ARAP2: variants seen among roughly 807,000 people sequenced by gnomAD.
ARAP2 encodes arf-GAP with Rho-GAP domain, ANK repeat and PH domain-containing protein 2.
In ARAP2, 148 loss-of-function variants were observed where a neutral mutation model predicts 194.5. That is an observed-to-expected ratio of 0.76 (90% CI 0.67 to 0.87). The LOEUF (loss-of-function observed/expected upper bound fraction) is 0.87. Among genes scored for constraint, ARAP2 ranks in the 40% least tolerant of loss-of-function variants. The probability of loss-of-function intolerance (pLI) is 0.00; values close to 1 mark genes in which losing one functional copy is unlikely to be tolerated. For synonymous variants in ARAP2, 695 were observed against 683.5 expected, an observed-to-expected ratio of 1.02 and a Z score of -0.26; for missense variants, 2,128 against 1,989.7, an observed-to-expected ratio of 1.07 and a Z score of -1.32.
intron 11 of ARAP2, among the ~76,000 whole-genome samples, chr4:36,163,303 T>G (rs1308929820): frequency 6.6e-6 from 1 of 152,000 alleles, no homozygotes; most frequent in Non-Finnish European, 1.5e-5. Context: ...GACTGGTATC[T>G]TGGAAGCTGA....
chr4:36,059,840 C>G (rs1724122591), intron 1 of ARAP2, among the ~76,000 whole-genome samples: 2 of 152,032 alleles, frequency 1.3e-5, no homozygotes, highest in South Asian at 4.1e-4. Context: ...GAAAACTGGT[C>G]ATTACAGTCA....
chr4:36,174,926 T>A (rs573455522), intron 9 of ARAP2, among the ~76,000 whole-genome samples: 1 of 152,340 alleles, frequency 6.6e-6, no homozygotes, highest in African/African-American at 2.4e-5. Context: ...CTAGCCATTG[T>A]CTGTTTACTC....
At chr4:36,175,713 G>A (rs1229760824) in intron 9 of ARAP2, among the ~76,000 whole-genome samples, 1 of 152,044 alleles carries the variant, frequency 6.6e-6, no homozygotes, top group East Asian at 1.9e-4. Context: ...GCATAAAAAT[G>A]TTTACTTATC....
At chr4:36,069,234 GAATAT>G (rs1392302561) in intron 32 of ARAP2, among the ~76,000 whole-genome samples, 1 of 152,050 alleles carries the variant, frequency 6.6e-6, no homozygotes, top group African/African-American at 2.4e-5. Context: ...ATATTTTCAT[GAATAT>G]AATGTACAAA....
intron 1 of ARAP2, among the ~76,000 whole-genome samples, chr4:36,234,461 C>A (rs1022177974): frequency 1.3e-5 from 2 of 152,100 alleles, no homozygotes; most frequent in African/African-American, 2.4e-5. Flanking sequence ...TTTCAACATA[C>A]AAATCGGGAG....
exon 5 of ARAP2, chr4:36,046,059 A>G (rs1366738619): frequency 6.6e-6 from 1 of 152,086 alleles, no homozygotes; most frequent in Non-Finnish European, 1.5e-5. Context: ...GTTAATTTCT[A>G]CTCTATGTTG....
At chr4:36,212,551 T>C (rs1746994940) in intron 4 of ARAP2, 64 bp from the exon 5 acceptor site, 1 of 1,124,258 alleles carries the variant, frequency 8.9e-7, no homozygotes, top group African/African-American at 1.5e-5. Context: ...GGGATTTGTT[T>C]GTATGTGTAG....
At chr4:36,217,492 G>A (rs146863948) in intron 2 of ARAP2, among the ~76,000 whole-genome samples, 2,227 of 152,306 alleles carry the variant, frequency 0.015, 31 homozygotes, top group Middle Eastern at 0.034. Flanking sequence ...CTGCACTCCA[G>A]CCTGGGTGAC....
chr4:36,142,738 C>G (rs1034492434), intron 19 of ARAP2, among the ~76,000 whole-genome samples: 5 of 151,588 alleles, frequency 3.3e-5, no homozygotes, highest in African/African-American at 1.2e-4. Flanking sequence ...CTGACAAATT[C>G]CCCTAACCCA....
intron 1 of ARAP2, among the ~76,000 whole-genome samples, chr4:36,240,657 G>A (rs1427845124): frequency 6.6e-6 from 1 of 152,112 alleles, no homozygotes; most frequent in African/African-American, 2.4e-5. Flanking sequence ...AACAGTGCCT[G>A]GTAAGCAACA....
rs199670262 is a variant in ARAP2 at position 36,083,401 on chromosome 4, C to T, written c.4475G>A (p.Arg1492His). The change falls in exon 29 of 33, where the codon CGT becomes CAT. Residue 1492 changes from arginine to histidine, a missense_variant. Transcript: ENST00000303965. ...AGGCTTCATTTTCTTTTTCACTCCA[C>T]GATAAAACTTCATGGAACTGAGAGA... ...MFSLSSMKFY[R>H]GVKKKMKPPT... The T allele has an allele frequency of 1.2e-4, 188 of 1,608,444 alleles. No homozygotes were observed. The highest frequency in any genetic ancestry group is 1.4e-4 in the Non-Finnish European group (167 of 1,177,978).
chr4:36,065,288 C>T, downstream of ARAP2: 1 of 469,130 alleles, frequency 2.1e-6, no homozygotes, highest in South Asian at 1.7e-5. Context: ...ACCATGTCAC[C>T]CTTGACCTCA....
chr4:36,007,400 G>C (rs541610484), intron 9 of ARAP2, among the ~76,000 whole-genome samples: 42 of 152,352 alleles, frequency 2.8e-4, no homozygotes, highest in African/African-American at 1.0e-3. Context: ...AGAGACGACA[G>C]AGAGAGAAGG....
chr4:36,029,109 C>T (rs562810026), intron 5 of ARAP2, among the ~76,000 whole-genome samples: 1 of 152,092 alleles, frequency 6.6e-6, no homozygotes, highest in African/African-American at 2.4e-5. Flanking sequence ...ACACAAACAT[C>T]ACAATAAAAT....
At chr4:36,111,750 T>C (rs1352018918) in intron 26 of ARAP2, among the ~76,000 whole-genome samples, 1 of 151,966 alleles carries the variant, frequency 6.6e-6, no homozygotes, top group Non-Finnish European at 1.5e-5. Context: ...TTCAAAACAA[T>C]GTTTCTTGGT....
chr4:36,138,355 CTT>C (rs1466282588), intron 19 of ARAP2, among the ~76,000 whole-genome samples: 1 of 151,648 alleles, frequency 6.6e-6, no homozygotes, highest in African/African-American at 2.4e-5. Flanking sequence ...ACTCATAACT[CTT>C]TGCATTGCAT....
At chr4:36,207,223 G>T (rs572764278) in intron 6 of ARAP2, among the ~76,000 whole-genome samples, 43 of 152,258 alleles carry the variant, frequency 2.8e-4, no homozygotes, top group Non-Finnish European at 5.1e-4. Flanking sequence ...AAAAGCTTAA[G>T]TTTATTATTT....
chr4:36,098,636 A>G (rs1349948362), intron 27 of ARAP2, among the ~76,000 whole-genome samples: 2 of 152,064 alleles, frequency 1.3e-5, no homozygotes, highest in Non-Finnish European at 2.9e-5. Flanking sequence ...TGATCATAAT[A>G]CACTATTTGG....
intron 16 of ARAP2, 75 bp from the exon 17 acceptor site, chr4:36,148,582 G>A: frequency 9.9e-7 from 1 of 1,007,996 alleles, no homozygotes; most frequent in Admixed American, 2.4e-5. Flanking sequence ...CAAAGGTCAT[G>A]TTTTTAATTA....
Sources: allele counts gnomAD v4.1 joint callset (sites outside exome capture counted in the v4.1 genomes callset), GRCh38; gene constraint gnomAD v4.1.1; transcripts MANE v1.5; gene names NCBI Gene and HGNC (gene_info 2026-07-23, HGNC 2026-07-21).